The following GLRA3 variants were observed in gnomAD, a reference collection of about 807,000 sequenced individuals.
The protein encoded by GLRA3 is glycine receptor alpha 3, also known as glycine receptor subunit alpha-3.
A neutral mutation model predicts 60.4 loss-of-function variants in GLRA3; 44 were observed. The ratio of observed to expected loss-of-function variants is 0.73; its 90% confidence interval spans 0.57 to 0.94. The LOEUF (loss-of-function observed/expected upper bound fraction) is 0.94. GLRA3 is among the 40% of genes least tolerant of loss of function. GLRA3 has a pLI of 0.00. For synonymous variants in GLRA3, 223 were observed against 192.9 expected (o/e 1.16, Z -1.29); for missense variants, 508 against 564.6 (o/e 0.90, Z 1.02).
intron 1 of GLRA3, among the ~76,000 whole-genome samples, chr4:174,817,846 A>T (rs1295727510): frequency 6.6e-6 from 1 of 152,108 alleles, no homozygotes; most frequent in South Asian, 2.1e-4. Context: ...ACCTCTAATG[A>T]TCCACCCACC....
intron 5 of GLRA3, among the ~76,000 whole-genome samples, chr4:174,701,439 G>A (rs12646911): frequency 0.75 from 113,440 of 152,024 alleles, 42,543 homozygotes; most frequent in South Asian, 0.81. Context: ...AGCTCTGATG[G>A]AGATGTACAG....
chr4:174,666,777 A>ATATATG (rs1554010211), intron 7 of GLRA3, among the ~76,000 whole-genome samples: 3 of 144,242 alleles, frequency 2.1e-5, no homozygotes, highest in East Asian at 2.0e-4. Context: ...ATATATATAT[A>ATATATG]TATAATTGGA....
intron 1 of GLRA3, among the ~76,000 whole-genome samples, chr4:174,799,124 C>A (rs1032637923): frequency 1.3e-5 from 2 of 152,130 alleles, no homozygotes; most frequent in Non-Finnish European, 2.9e-5. Context: ...TAAATGATAG[C>A]TGCTTCCTGA....
chr4:174,732,865 A>G (rs1357744353), intron 3 of GLRA3, among the ~76,000 whole-genome samples: 1 of 152,042 alleles, frequency 6.6e-6, no homozygotes, highest in Non-Finnish European at 1.5e-5. Context: ...ATTCATCAAT[A>G]TAGAATTATA....
Position 174,728,714 on chromosome 4 carries a change from G to T in GLRA3, c.268-16C>A. 7.3e-7 allele frequency: 1 copy of T among 1,374,112 alleles called. No homozygotes were observed. Among genetic ancestry groups the T allele is most frequent in the Non-Finnish European group, 9.9e-7 (1 of 1,012,836 alleles). The allele number at this position is 1,374,112 out of a possible 1,614,324, so 85.1% of individuals were successfully genotyped here. On this transcript the variant is annotated splice_polypyrimidine_tract_variant and intron_variant, in intron 3 of 9. Coordinates refer to ENST00000274093, the MANE Select transcript of GLRA3 (RefSeq NM_006529.4). ...CTCTGTAATCCTATGATAAAATAAT[G>T]AAAGAAAGAAAAAAAAAAACCCTGC...
chr4:174,642,453 T>TA lies in GLRA3; in HGVS notation c.*1332dup, dbSNP rs1361587607. ...CAAATAAATTTATGGTAAAAATAGT[T>TA]AAAAAAATAGCAAAACTGAAAAAGA... On this transcript the variant is annotated 3_prime_UTR_variant, in exon 10 of 10. Coordinates refer to ENST00000274093, the MANE Select transcript of GLRA3 (RefSeq NM_006529.4). 1.5e-4 allele frequency: 145 copies of TA among 977,222 alleles called. No individual in the cohort carries two copies. The highest frequency in any genetic ancestry group is 2.8e-4 in the South Asian group (6 of 21,096). 60.5% of individuals were successfully genotyped at this position (977,222 alleles called of 1,614,324 possible).
chr4:174,767,080 A>G, intron 2 of GLRA3, 50 bp from the exon 3 acceptor site: 1 of 904,020 alleles, frequency 1.1e-6, no homozygotes, highest in Non-Finnish European at 1.8e-6. Context: ...TATCTAAAAC[A>G]TTTTCAAATA....
chr4:174,663,214 G>A (rs1014902287), intron 7 of GLRA3, among the ~76,000 whole-genome samples: 51 of 152,168 alleles, frequency 3.4e-4, no homozygotes, highest in Admixed American at 3.3e-3. Flanking sequence ...ACTGGGCAAA[G>A]AGCAGTGCAT....
intron 3 of GLRA3, among the ~76,000 whole-genome samples, chr4:174,733,344 A>G (rs1736630864): frequency 6.6e-6 from 1 of 152,196 alleles, no homozygotes; most frequent in South Asian, 2.1e-4. Context: ...TGTTTAAGCC[A>G]CTTGCAGAAT....
chr4:174,679,553 G>A (rs1323184734), intron 6 of GLRA3, among the ~76,000 whole-genome samples: 1 of 152,066 alleles, frequency 6.6e-6, no homozygotes, highest in African/African-American at 2.4e-5. Flanking sequence ...ATATCCAAAA[G>A]AAAGAAAATC....
intron 3 of GLRA3, among the ~76,000 whole-genome samples, chr4:174,740,400 C>A (rs1736971955): frequency 6.6e-6 from 1 of 152,072 alleles, no homozygotes; most frequent in African/African-American, 2.4e-5. Flanking sequence ...GGTCAACAGT[C>A]CCAGCTGGGT....
intron 9 of GLRA3, among the ~76,000 whole-genome samples, chr4:174,651,693 T>C (rs961882258): frequency 3.9e-5 from 6 of 152,136 alleles, no homozygotes; most frequent in Admixed American, 2.0e-4. Flanking sequence ...AGCATAAAAG[T>C]AAAAACATCA....
intron 7 of GLRA3, among the ~76,000 whole-genome samples, chr4:174,660,321 T>C (rs1389112751): frequency 1.3e-5 from 2 of 152,214 alleles, no homozygotes; most frequent in African/African-American, 2.4e-5. Flanking sequence ...CATATCTCTT[T>C]AGTTTTCAGT....
At chr4:174,807,531 G>T (rs1740098712) in intron 1 of GLRA3, among the ~76,000 whole-genome samples, 1 of 152,036 alleles carries the variant, frequency 6.6e-6, no homozygotes, top group South Asian at 2.1e-4. Flanking sequence ...TATTGTCAAA[G>T]TTAAATGAGC....
rs77462186 is a variant in GLRA3, at chr4:174,645,558, C to T, written c.1117-1494G>A. ...AATGAGAAGATGACCAAAATTGATGCAGTAAGGTATAAAATAGTTATTTTG... is the reference window on the plus strand; with the variant it reads ...AATGAGAAGATGACCAAAATTGATGTAGTAAGGTATAAAATAGTTATTTTG... On this transcript the variant is annotated intron_variant, in intron 9 of 9. Coordinates refer to ENST00000274093, the MANE Select transcript of GLRA3 (RefSeq NM_006529.4). Among the ~76,000 whole-genome samples, 1,334 of 151,724 alleles carry T rather than the reference C, an allele frequency of 8.8e-3. 16 individuals are homozygous for T. The highest frequency in any genetic ancestry group is 0.03 in the African/African-American group (1,226 of 41,344).
At chr4:174,817,210 G>A (rs915374337) in intron 1 of GLRA3, among the ~76,000 whole-genome samples, 6 of 152,198 alleles carry the variant, frequency 3.9e-5, no homozygotes, top group Non-Finnish European at 8.8e-5. Context: ...CATCTTGGAA[G>A]TGTCTTTAAA....
chr4:174,801,042 A>G (rs1255413881), intron 1 of GLRA3, among the ~76,000 whole-genome samples: 1 of 152,078 alleles, frequency 6.6e-6, no homozygotes, highest in Non-Finnish European at 1.5e-5. Flanking sequence ...CAGCATGTTT[A>G]AGGTAGAGTC....
At chr4:174,788,648 T>C (rs1211666814) in intron 2 of GLRA3, among the ~76,000 whole-genome samples, 168 bp downstream of exon 2, 1 of 145,826 alleles carries the variant, frequency 6.9e-6, no homozygotes, top group Non-Finnish European at 1.5e-5. Flanking sequence ...ATTATGATAA[T>C]TGAGAACATG....
intron 8 of GLRA3, among the ~76,000 whole-genome samples, chr4:174,657,620 C>G (rs148027589): frequency 2.6e-5 from 4 of 151,502 alleles, no homozygotes; most frequent in Non-Finnish European, 4.4e-5. Context: ...TGCCAGTTAT[C>G]ATGAAAGAAA....
Sources: allele counts gnomAD v4.1 joint callset (sites outside exome capture counted in the v4.1 genomes callset), GRCh38; gene constraint gnomAD v4.1.1; transcripts MANE v1.5; gene names NCBI Gene and HGNC (gene_info 2026-07-23, HGNC 2026-07-21).